The following NR3C1 variants were observed in gnomAD, a reference collection of about 807,000 sequenced individuals.
NR3C1 encodes nuclear receptor subfamily 3 group C member 1.
NR3C1 carries 14 observed loss-of-function variants against 74.0 expected under a neutral mutation model. The ratio of observed to expected loss-of-function variants is 0.19; its 90% confidence interval spans 0.12 to 0.30. The LOEUF (loss-of-function observed/expected upper bound fraction) is 0.30, where lower values mean the gene tolerates loss of function less well. Ranked by LOEUF, NR3C1 falls within the 10% of genes least tolerant of loss-of-function variation. NR3C1 has a pLI of 1.00. For missense variants in NR3C1, 695 were observed against 909.8 expected (o/e 0.76, Z 3.04); for synonymous variants, 308 against 332.5 (o/e 0.93, Z 0.80).
chr5:143,388,484 G>A (rs572586385), intron 2 of NR3C1, among the ~76,000 whole-genome samples: 6 of 152,276 alleles, frequency 3.9e-5, no homozygotes, highest in Admixed American at 1.3e-4. Flanking sequence ...TATTCTAGAC[G>A]CTGGCATACA....
chr5:143,360,140 T>C (rs980719584), intron 2 of NR3C1, among the ~76,000 whole-genome samples: 2 of 152,196 alleles, frequency 1.3e-5, no homozygotes, highest in South Asian at 2.1e-4. Flanking sequence ...GAAAAGCTAC[T>C]TGGTTGTCAA....
In NR3C1 at chr5:143,400,364, G is replaced by A. The variant is rs936255845; in HGVS notation, c.476C>T (p.Thr159Ile). 1 of 1,614,038 alleles carries A rather than the reference G, an allele frequency of 6.2e-7. No homozygotes were observed. The highest frequency in any genetic ancestry group is 1.7e-5 in the Admixed American group (1 of 60,004). ...CTGTTCTGAAGATACATCAGAGTGAGTTTTTGGAAACTCCTTCTCTGTGGG... is the reference window on the plus strand; with the variant it reads ...CTGTTCTGAAGATACATCAGAGTGAATTTTTGGAAACTCCTTCTCTGTGGG... ...AAPTEKEFPK[T>I]HSDVSSEQQH... Residue 159 changes from threonine (T) to isoleucine (I), a missense_variant, in exon 2 of 9, where the codon ACT (threonine) becomes ATT (isoleucine). Physicochemically the swap from Thr to Ile is moderately conservative, Grantham distance 89 (BLOSUM62 -1). Transcript: ENST00000394464.
chr5:143,408,897 C>T (rs1252020714), intron 1 of NR3C1: 2 of 152,190 alleles, frequency 1.3e-5, no homozygotes, highest in Non-Finnish European at 2.9e-5. Context: ...AATTGTCTTA[C>T]ATCCACCTTA....
rs1456822155 is a variant in NR3C1, at chr5:143,403,131, C to CG, written c.-14+79dup. 4 of 979,450 alleles carry CG rather than the reference C, an allele frequency of 4.1e-6. No homozygotes were observed. The African/African-American group carries it at 7.1e-5, about 17-fold the overall frequency. The allele number at this position is 979,450 out of a possible 1,614,324, so 60.7% of individuals were successfully genotyped here. On this transcript the variant is annotated intron_variant, in intron 1 of 8. Coordinates refer to ENST00000394464, the MANE Select transcript of NR3C1 (RefSeq NM_000176.3). The stretch of plus-strand genomic sequence containing the variant: ...AATAAAAGTTTGTAGGCTCCCGCGG[C>CG]GGCCCCCGAGTTGTCTCCGGTCCCA...
At chr5:143,323,257 G>A (rs1443120113) in intron 2 of NR3C1, among the ~76,000 whole-genome samples, 1 of 152,160 alleles carries the variant, frequency 6.6e-6, no homozygotes, top group Non-Finnish European at 1.5e-5. Flanking sequence ...GGAAGAAAAA[G>A]AGGTTTAATT....
rs1447888263 is a variant in NR3C1, at chr5:143,419,104, G to T, written c.-14+15428C>A. 3.9e-5 allele frequency among the ~76,000 whole-genome samples: 6 copies of T among 152,228 alleles called. No homozygotes were observed. In the Middle Eastern group the frequency reaches 0.014, roughly 345 times the overall value. ...GCTCATTGGAACATTTCAGATTTTG[G>T]ATTTTTGGATTAGGGATGCTCTACC... On this transcript the variant is annotated intron_variant, in intron 1 of 8. Coordinates refer to the NR3C1 transcript ENST00000343796.
chr5:143,323,336 T>C (rs1392575521), intron 2 of NR3C1, among the ~76,000 whole-genome samples: 1 of 152,130 alleles, frequency 6.6e-6, no homozygotes. Context: ...ACTTCTTACA[T>C]GGTGGTGGCA....
intron 2 of NR3C1, among the ~76,000 whole-genome samples, chr5:143,364,580 AAC>A (rs1356083875): frequency 6.6e-6 from 1 of 152,354 alleles, no homozygotes; most frequent in Non-Finnish European, 1.5e-5. Context: ...TACATTGATA[AAC>A]ACACAGTGTA....
intron 6 of NR3C1, among the ~76,000 whole-genome samples, chr5:143,295,921 AT>A (rs979660786): frequency 2.0e-5 from 3 of 152,346 alleles, no homozygotes; most frequent in African/African-American, 7.2e-5. Context: ...ATCAAGGTTT[AT>A]CATTTGAATA....
rs561828567 is a variant in NR3C1, at chr5:143,387,197, T to C, written c.1184+12459A>G. ...GGCTTCCAGCCTTTCTACCTTACTCTTAACTGAATCTCAGGGTCTTTGTGG... is the reference window on the plus strand; with the variant it reads ...GGCTTCCAGCCTTTCTACCTTACTCCTAACTGAATCTCAGGGTCTTTGTGG... On this transcript the variant is annotated intron_variant, in intron 2 of 8. Transcript: ENST00000394464. Among the ~76,000 whole-genome samples the C allele has an allele frequency of 4.0e-4, 61 of 152,346 alleles. No individual in the cohort carries two copies. In the Middle Eastern group the frequency reaches 0.01, roughly 25 times the overall value.
Position 143,338,046 on chromosome 5 carries a change from C to T in NR3C1, c.1185-23878G>A, listed in dbSNP as rs538696429. Among the ~76,000 whole-genome samples, 12 of 152,196 alleles carry T rather than the reference C, an allele frequency of 7.9e-5. No individual in the cohort carries two copies. The South Asian group carries it at 2.3e-3, about 29-fold the overall frequency. On this transcript the variant is annotated intron_variant, in intron 2 of 8. Coordinates refer to ENST00000394464, the MANE Select transcript of NR3C1 (RefSeq NM_000176.3). ...ATTAAATTGTATGTATGGTCATGCA[C>T]GACATAAATTTCAGTCAATGATGGA...
chr5:143,399,568 G>A (rs1839851176), intron 2 of NR3C1, 88 bp downstream of exon 2: 9 of 1,054,398 alleles, frequency 8.5e-6, no homozygotes, highest in Admixed American at 5.9e-5. Context: ...TGAATCTTTA[G>A]AGAACACATA....
chr5:143,312,364 T>C (rs1012329520), intron 3 of NR3C1, among the ~76,000 whole-genome samples: 1 of 152,082 alleles, frequency 6.6e-6, no homozygotes, highest in Non-Finnish European at 1.5e-5. Context: ...TCACATACTC[T>C]CTTGGATCAT....
intron 2 of NR3C1, among the ~76,000 whole-genome samples, chr5:143,355,380 G>A (rs1469603911): frequency 2.6e-5 from 4 of 152,242 alleles, no homozygotes; most frequent in Admixed American, 2.6e-4. Context: ...TTGGGCTGAG[G>A]TGGGAGGACA....
At chr5:143,404,500 C>T (rs1600653063), upstream of NR3C1, 3 of 980,932 alleles carry the variant, frequency 3.1e-6, no homozygotes, top group African/African-American at 3.5e-5. Flanking sequence ...AGAACCCACC[C>T]TCCCCCGCGC....
intron 1 of NR3C1, among the ~76,000 whole-genome samples, chr5:143,431,020 ATGT>A (rs902255487): frequency 1.3e-5 from 2 of 152,074 alleles, no homozygotes; most frequent in African/African-American, 4.8e-5. Context: ...ATCTATATAA[ATGT>A]TGTTTATGTA....
At chr5:143,389,983 G>C (rs1837948314) in intron 2 of NR3C1, 1 of 931,394 alleles carries the variant, frequency 1.1e-6, no homozygotes, top group Non-Finnish European at 1.3e-6. Context: ...TTTGCTTTTA[G>C]TACAATTCTA....
intron 1 of NR3C1, among the ~76,000 whole-genome samples, chr5:143,430,661 C>T (rs926376328): frequency 2.6e-5 from 4 of 152,144 alleles, no homozygotes; most frequent in South Asian, 2.1e-4. Flanking sequence ...GAGAAGACAG[C>T]GGGCTATGAA....
intron 2 of NR3C1, among the ~76,000 whole-genome samples, chr5:143,351,852 C>CA (rs1269482284): frequency 6.6e-6 from 1 of 152,116 alleles, no homozygotes; most frequent in Non-Finnish European, 1.5e-5. Flanking sequence ...ACTAACCTAG[C>CA]AAGTGTGATA....
Sources: gnomAD v4.1 joint callset for allele counts (sites outside exome capture counted in the v4.1 genomes callset) on GRCh38, gnomAD v4.1.1 for gene constraint, MANE v1.5 for transcripts, NCBI Gene and HGNC (gene_info 2026-07-23, HGNC 2026-07-21) for gene names.